VWA3B: variants seen among roughly 807,000 people sequenced by gnomAD.
The protein encoded by VWA3B is von Willebrand factor A domain containing 3B, also known as von Willebrand factor A domain-containing protein 3B.
VWA3B carries 138 observed loss-of-function variants against 158.3 expected under a neutral mutation model. The ratio of observed to expected loss-of-function variants is 0.87; its 90% CI spans 0.76 to 1.00. The LOEUF (loss-of-function observed/expected upper bound fraction) is 1.00. Ranked by LOEUF, VWA3B falls within the 50% of genes least tolerant of loss-of-function variation. The probability of loss-of-function intolerance (pLI) is 0.00; values close to 1 mark genes in which losing one functional copy is unlikely to be tolerated. For synonymous variants in VWA3B, 596 were observed against 587.3 expected (o/e 1.01, Z -0.21); for missense variants, 1,555 against 1,565.1 (o/e 0.99, Z 0.11).
intron 7 of VWA3B, among the ~76,000 whole-genome samples, chr2:98,139,112 T>TGCCGGCCCC (rs1306712022): frequency 2.0e-5 from 3 of 152,198 alleles, no homozygotes; most frequent in Non-Finnish European, 4.4e-5. Context: ...CGGCCGGCCC[T>TGCCGGCCCC]GCCGGCCCCA....
intron 22 of VWA3B, among the ~76,000 whole-genome samples, chr2:98,275,312 G>C (rs376490525): frequency 6.6e-6 from 1 of 152,234 alleles, no homozygotes; most frequent in Non-Finnish European, 1.5e-5. Flanking sequence ...TTAGATACCC[G>C]TGGGGCACAC....
the VWA3B span, among the ~76,000 whole-genome samples, chr2:98,323,742 A>G: frequency 6.6e-6 from 1 of 152,242 alleles, no homozygotes; most frequent in Non-Finnish European, 1.5e-5. Flanking sequence ...AACAAAAGCT[A>G]TAGGCACTGG....
At chr2:98,234,533 G>C in intron 16 of VWA3B, 115 bp from the exon 17 acceptor site, 2 of 1,468,392 alleles carry the variant, frequency 1.4e-6, no homozygotes, top group Non-Finnish European at 1.8e-6. Context: ...TCCTCAGAGG[G>C]TTGGGAAACA....
chr2:98,129,323 T>C (rs1453440913), intron 6 of VWA3B, among the ~76,000 whole-genome samples: 2 of 147,354 alleles, frequency 1.4e-5, no homozygotes, highest in Non-Finnish European at 3.0e-5. Flanking sequence ...TGTGTGTGTG[T>C]GGAGAGAGAG....
chr2:98,150,884 A>G (rs57301799), intron 7 of VWA3B, among the ~76,000 whole-genome samples: 2,756 of 152,142 alleles, frequency 0.018, 83 homozygotes, highest in African/African-American at 0.063. Context: ...CCTCCCTTCT[A>G]TTTCCGTTTG....
chr2:98,123,469 C>T (rs1675124580), intron 5 of VWA3B, among the ~76,000 whole-genome samples: 1 of 152,158 alleles, frequency 6.6e-6, no homozygotes, highest in Non-Finnish European at 1.5e-5. Flanking sequence ...CAGGCACAGG[C>T]TTTGTAACCA....
intron 12 of VWA3B, chr2:98,207,034 G>A: frequency 2.0e-6 from 1 of 498,016 alleles, no homozygotes; most frequent in Non-Finnish European, 4.1e-6. Context: ...CAGAGACCAA[G>A]AAGTTCAAGA....
intron 3 of VWA3B, among the ~76,000 whole-genome samples, chr2:98,119,166 T>C (rs1674760386): frequency 1.3e-5 from 2 of 152,254 alleles, no homozygotes; most frequent in Non-Finnish European, 2.9e-5. Context: ...TAGTGAGACA[T>C]TATTTTCCAT....
chr2:98,109,225 C>G (rs570373905), intron 2 of VWA3B, among the ~76,000 whole-genome samples: 1 of 152,066 alleles, frequency 6.6e-6, no homozygotes, highest in Non-Finnish European at 1.5e-5. Flanking sequence ...CTCCTGACCT[C>G]GGGTGATCTG....
intron 7 of VWA3B, among the ~76,000 whole-genome samples, chr2:98,143,888 C>G (rs1289100640): frequency 6.6e-6 from 1 of 151,560 alleles, no homozygotes; most frequent in Non-Finnish European, 1.5e-5. Flanking sequence ...GTAGCTGGGA[C>G]TACAGGTGTG....
rs573494135 is a variant in VWA3B, at chr2:98,159,409, C to T, written c.989-3442C>T. On this transcript the variant is annotated intron_variant, in intron 7 of 27. Coordinates refer to ENST00000477737, the MANE Select transcript of VWA3B (RefSeq NM_144992.5). The stretch of plus-strand genomic sequence containing the variant: ...GATTACAGGCACCTGCCACCACACC[C>T]GGCTCATTTTTGTATTTTTAGTAGA... 2.2e-4 allele frequency among the ~76,000 whole-genome samples: 33 copies of T among 152,120 alleles called. 2 individuals are homozygous for T. The East Asian group carries it at 2.9e-3, about 13-fold the overall frequency.
rs1688148742 is a variant in VWA3B at position 98,270,750 on chromosome 2, T to C, written c.2912T>C (p.Leu971Ser). ...KTVLNQALER[L>S]NWPISLKELS... is the part of the protein sequence containing the mutation. ...GTTTTAAACCAGGCTTTAGAACGGT[T>C]GAATTGGCCCATTTCACTGAAAGAG... The change falls in exon 22 of 28, where the codon TTG becomes TCG. Residue 971 changes from leucine to serine, a missense_variant. Leu to Ser is a moderately radical substitution (Grantham distance 145, BLOSUM62 -2). Transcript: ENST00000477737. The C allele has an allele frequency of 3.1e-6, 5 of 1,614,188 alleles. No individual in the cohort carries two copies. The highest frequency in any genetic ancestry group is 4.2e-6 in the Non-Finnish European group (5 of 1,179,996).
intron 7 of VWA3B, among the ~76,000 whole-genome samples, chr2:98,162,423 G>T (rs1678688204): frequency 6.6e-6 from 1 of 152,130 alleles, no homozygotes; most frequent in Non-Finnish European, 1.5e-5. Context: ...TTATACCTGT[G>T]GTTTCAAAGA....
At chr2:98,160,034 G>T (rs1354142867) in intron 7 of VWA3B, among the ~76,000 whole-genome samples, 1 of 149,436 alleles carries the variant, frequency 6.7e-6, no homozygotes, top group African/African-American at 2.4e-5. Flanking sequence ...GATACATAAA[G>T]ATACATACAG....
intron 12 of VWA3B, chr2:98,207,869 G>T: frequency 5.2e-6 from 1 of 190,740 alleles, no homozygotes; most frequent in Non-Finnish European, 1.1e-5. Context: ...GAGTATTTAA[G>T]GTTTCCAATA....
chr2:98,279,752 T>C (rs1688756002), intron 22 of VWA3B, among the ~76,000 whole-genome samples: 1 of 152,078 alleles, frequency 6.6e-6, no homozygotes, highest in Non-Finnish European at 1.5e-5. Flanking sequence ...AGGACACCAA[T>C]ACCCCGGCTT....
chr2:98,324,530 T>C, the VWA3B span, among the ~76,000 whole-genome samples: 27 of 152,300 alleles, frequency 1.8e-4, 1 homozygote, highest in South Asian at 3.7e-3. Context: ...GAGAGCTAAA[T>C]TGAAATTTTA....
At chr2:98,234,841 G>A in intron 17 of VWA3B, 74 bp downstream of exon 17, 6 of 1,588,798 alleles carry the variant, frequency 3.8e-6, no homozygotes, top group African/African-American at 1.3e-5. Context: ...AGAGCTGCGT[G>A]TAGATATGTT....
chr2:98,247,339 T>C (rs1686466213), intron 19 of VWA3B, among the ~76,000 whole-genome samples: 1 of 152,126 alleles, frequency 6.6e-6, no homozygotes, highest in Admixed American at 6.5e-5. Context: ...TTTGTATTTT[T>C]ATTCTCCTCC....
Sources: allele counts gnomAD v4.1 joint callset (sites outside exome capture counted in the v4.1 genomes callset), GRCh38; gene constraint gnomAD v4.1.1; transcripts MANE v1.5; gene names NCBI Gene and HGNC (gene_info 2026-07-23, HGNC 2026-07-21).